Variants in CHN2 observed in about 807,000 individuals in gnomAD.
CHN2 encodes the protein chimerin 2.
CHN2 carries 35 observed loss-of-function variants against 56.3 expected under a neutral mutation model. That is an observed-to-expected ratio of 0.62 (90% CI 0.47 to 0.82). The LOEUF (loss-of-function observed/expected upper bound fraction) is 0.82, where lower values mean the gene tolerates loss of function less well. Ranked by LOEUF, CHN2 falls within the 40% of genes least tolerant of loss-of-function variation. The pLI, the probability that CHN2 is intolerant of heterozygous loss-of-function variation, is 0.00. For synonymous variants in CHN2, 210 were observed against 212.8 expected (o/e 0.99, Z 0.12); for missense variants, 491 against 580.5 (o/e 0.85, Z 1.58).
chr7:29,226,985 T>C (rs1490260757), intron 1 of CHN2, among the ~76,000 whole-genome samples: 1 of 152,224 alleles, frequency 6.6e-6, no homozygotes, highest in East Asian at 1.9e-4. Context: ...CTGTCACTGC[T>C]GTGCACATGA....
At chr7:29,434,145 C>G (rs1309900991) in intron 6 of CHN2, among the ~76,000 whole-genome samples, 2 of 152,154 alleles carry the variant, frequency 1.3e-5, no homozygotes, top group Non-Finnish European at 2.9e-5. Flanking sequence ...ACCAGGAAAG[C>G]CTATGCAGTT....
intron 6 of CHN2, among the ~76,000 whole-genome samples, chr7:29,456,405 A>G (rs1195367717): frequency 2.0e-5 from 3 of 148,810 alleles, no homozygotes; most frequent in Non-Finnish European, 4.4e-5. Flanking sequence ...GGCCCAGCCC[A>G]TGGTGAAGAA....
rs762138139 is a variant in CHN2, at chr7:29,194,989, C to T, written c.48C>T (p.Ser16=). The change falls in exon 1 of 13, where the codon TCC becomes TCT. Residue 16 remains serine, a splice_region_variant and synonymous_variant. Transcript: ENST00000222792. ...GCCTGTCCGGCTCGTCGGTGTCCTCCGGTGAGTTTCAGCCCGTCGGGCGCT... is the reference window on the plus strand; with the variant it reads ...GCCTGTCCGGCTCGTCGGTGTCCTCTGGTGAGTTTCAGCCCGTCGGGCGCT... ...NSSLSGSSVS[S]DAEEYQPPIW... is the part of the protein sequence containing the mutation. 15 of 1,587,036 alleles carry T rather than the reference C, an allele frequency of 9.5e-6. No homozygotes were observed. Among genetic ancestry groups the T allele is most frequent in the Non-Finnish European group, 1.2e-5 (14 of 1,169,238 alleles).
chr7:29,217,862 C>G (rs763457877), intron 1 of CHN2, among the ~76,000 whole-genome samples: 1 of 152,050 alleles, frequency 6.6e-6, no homozygotes, highest in Admixed American at 6.5e-5. Flanking sequence ...AATGCTTATG[C>G]GCAAAGACAT....
At chr7:29,388,069 T>G (rs1489137494) in intron 3 of CHN2, among the ~76,000 whole-genome samples, 1 of 152,226 alleles carries the variant, frequency 6.6e-6, no homozygotes, top group Non-Finnish European at 1.5e-5. Context: ...AAATGGATAT[T>G]TTTGCATTCT....
At chr7:29,273,417 G>A (rs753127630) in intron 1 of CHN2, among the ~76,000 whole-genome samples, 2 of 119,262 alleles carry the variant, frequency 1.7e-5, no homozygotes, top group Admixed American at 9.2e-5. Flanking sequence ...TTATTGGTTC[G>A]TTCATCAGTG....
intron 6 of CHN2, among the ~76,000 whole-genome samples, chr7:29,468,041 G>A (rs190954565): frequency 6.7e-4 from 102 of 151,716 alleles, no homozygotes; most frequent in Non-Finnish European, 1.1e-3. Context: ...ATAACATGTC[G>A]GGGAGTAGGA....
intron 6 of CHN2, among the ~76,000 whole-genome samples, chr7:29,426,728 A>G (rs997118980): frequency 3.4e-4 from 52 of 152,336 alleles, no homozygotes; most frequent in African/African-American, 9.4e-4. Context: ...ACAAGGCCCA[A>G]TTAGGCATGG....
chr7:29,465,671 A>C (rs1181679542), intron 6 of CHN2, among the ~76,000 whole-genome samples: 1 of 152,194 alleles, frequency 6.6e-6, no homozygotes, highest in Non-Finnish European at 1.5e-5. Context: ...TTTTAGAGTT[A>C]ATTGCCATTT....
At position 29,423,885 on chromosome 7, in the gene CHN2, C is replaced by T. The variant is rs1003483515; in HGVS notation, c.576+23057C>T. Among the ~76,000 whole-genome samples, 4 of 152,180 alleles carry T rather than the reference C, an allele frequency of 2.6e-5. No individual in the cohort carries two copies. In the East Asian group the frequency reaches 7.7e-4, roughly 29 times the overall value. ...GTCCATGCCCCATTTGTAGCTGCAT[C>T]CTTTTTGGCTCAAATGCCAGGTCTT... On this transcript the variant is annotated intron_variant, in intron 6 of 12. Transcript: ENST00000222792.
chr7:29,509,699 G>T, intron 12 of CHN2: 1 of 217,802 alleles, frequency 4.6e-6, no homozygotes, highest in Admixed American at 5.3e-5. Context: ...AAAAAAATTA[G>T]CCGGGCGTGG....
intron 3 of CHN2, among the ~76,000 whole-genome samples, chr7:29,377,730 ATCT>A (rs1319762675): frequency 2.0e-5 from 3 of 152,216 alleles, no homozygotes; most frequent in African/African-American, 7.2e-5. Flanking sequence ...ATTGGTAATA[ATCT>A]TCTTTGGCTA....
intron 6 of CHN2, among the ~76,000 whole-genome samples, chr7:29,416,322 C>A (rs973802956): frequency 5.3e-5 from 8 of 152,102 alleles, no homozygotes; most frequent in Admixed American, 5.2e-4. Context: ...ACAGTCTTAA[C>A]CTTTAGAAGC....
chr7:29,420,345 C>T (rs937306951), intron 6 of CHN2, among the ~76,000 whole-genome samples: 2 of 152,118 alleles, frequency 1.3e-5, no homozygotes, highest in African/African-American at 2.4e-5. Context: ...GTATTATTCT[C>T]AATAGCCAAG....
At chr7:29,308,088 T>C (rs1196177548) in intron 1 of CHN2, among the ~76,000 whole-genome samples, 2 of 152,068 alleles carry the variant, frequency 1.3e-5, no homozygotes, top group Non-Finnish European at 1.5e-5. Context: ...GTCAAAGGAG[T>C]TGGAAAAGTA....
At chr7:29,310,113 C>T (rs985542624) in intron 1 of CHN2, among the ~76,000 whole-genome samples, 2 of 152,134 alleles carry the variant, frequency 1.3e-5, no homozygotes, top group Non-Finnish European at 2.9e-5. Flanking sequence ...TCCCTTACTT[C>T]AACATGGTTA....
Position 29,504,833 on chromosome 7 carries a change from C to G in CHN2, c.991+12C>G, listed in dbSNP as rs1790389319. 1.3e-6 allele frequency: 2 copies of G among 1,597,482 alleles called. No homozygotes were observed. Among genetic ancestry groups the G allele is most frequent in the African/African-American group, 2.7e-5 (2 of 74,542 alleles). ...GGCATTTGACAGAGGTAAGCTTGTA[C>G]TTTCTTGAATGCCATCTGACATCCT... On this transcript the variant is annotated intron_variant, in intron 10 of 12. Coordinates refer to ENST00000222792, the MANE Select transcript of CHN2 (RefSeq NM_004067.4).
chr7:29,252,574 C>CTTTGTTTTTTTTTTTTGT (rs1554378070), intron 1 of CHN2, among the ~76,000 whole-genome samples: 1 of 19,284 alleles, frequency 5.2e-5, no homozygotes, highest in African/African-American at 2.6e-4. Context: ...AAATTGCATT[C>CTTTGTTTTTTTTTTTTGT]TTTGTTTTTT....
intron 2 of CHN2, among the ~76,000 whole-genome samples, chr7:29,183,383 C>CTT (rs200037874): frequency 3.4e-4 from 48 of 141,430 alleles, no homozygotes; most frequent in African/African-American, 1.1e-3. Context: ...CGTGCCTAGC[C>CTT]TTTTTTTTTT....
Sources: gnomAD v4.1 joint callset for allele counts (sites outside exome capture counted in the v4.1 genomes callset) on GRCh38, gnomAD v4.1.1 for gene constraint, MANE v1.5 for transcripts, NCBI Gene and HGNC (gene_info 2026-07-23, HGNC 2026-07-21) for gene names.